TAFA4: variants seen among roughly 807,000 people sequenced by gnomAD.
TAFA4 encodes the protein chemokine-like protein TAFA-4.
A neutral mutation model predicts 21.1 loss-of-function variants in TAFA4; 20 were observed. The observed-to-expected ratio is 0.95, with a 90% CI of 0.67 to 1.38. The LOEUF is 1.38. TAFA4 is among the 40% of genes most tolerant of loss of function. The pLI, the probability that TAFA4 is intolerant of heterozygous loss-of-function variation, is 0.00. For synonymous variants in TAFA4, 71 were observed against 67.4 expected (o/e 1.05, Z -0.26); for missense variants, 211 against 180.9 (o/e 1.17, Z -0.95).
Position 68,766,799 on chromosome 3 carries a change from T to C in TAFA4, c.131-13781A>G, listed in dbSNP as rs1347331935. Among the ~76,000 whole-genome samples the C allele has an allele frequency of 3.3e-5, 5 of 152,230 alleles. No homozygotes were observed. In the South Asian group the frequency reaches 1.0e-3, roughly 32 times the overall value. ...AGACCTACACCAAGGTGTTTCCTCA[T>C]GGAATTCAAATTTTTTGGGATAACA... On this transcript the variant is annotated intron_variant, in intron 3 of 5. Coordinates refer to ENST00000295569, the MANE Select transcript of TAFA4 (RefSeq NM_182522.5).
chr3:68,897,626 CAA>C (rs893732564), intron 1 of TAFA4, among the ~76,000 whole-genome samples: 6 of 135,092 alleles, frequency 4.4e-5, no homozygotes, highest in East Asian at 5.7e-4. Flanking sequence ...AACTCCATCT[CAA>C]AAAAAAAAAA....
intron 3 of TAFA4, among the ~76,000 whole-genome samples, chr3:68,805,425 A>C (rs748690905): frequency 1.3e-5 from 2 of 152,208 alleles, no homozygotes; most frequent in African/African-American, 2.4e-5. Context: ...AACTAGAAAT[A>C]CCATTTGACC....
chr3:68,906,708 G>C (rs1185019189), intron 1 of TAFA4, among the ~76,000 whole-genome samples: 3 of 152,016 alleles, frequency 2.0e-5, no homozygotes, highest in African/African-American at 7.2e-5. Context: ...CCTGTATGTA[G>C]ACAGCACCCT....
At chr3:68,809,411 A>AAT (rs1373191751) in intron 3 of TAFA4, among the ~76,000 whole-genome samples, 16 of 152,200 alleles carry the variant, frequency 1.1e-4, no homozygotes, top group Non-Finnish European at 2.2e-4. Flanking sequence ...ACTTGTCTAG[A>AAT]AATATAATTG....
intron 3 of TAFA4, among the ~76,000 whole-genome samples, chr3:68,816,238 C>T (rs951875920): frequency 6.6e-6 from 1 of 152,082 alleles, no homozygotes; most frequent in Admixed American, 6.5e-5. Flanking sequence ...ATGGGTGCAG[C>T]ACACCAACAT....
chr3:68,776,843 TAAG>T (rs1319646088), intron 3 of TAFA4, among the ~76,000 whole-genome samples: 1 of 151,976 alleles, frequency 6.6e-6, no homozygotes, highest in African/African-American at 2.4e-5. Context: ...AAACCAATAA[TAAG>T]AAAATCAGAA....
At chr3:68,829,204 T>A (rs1704320839) in intron 3 of TAFA4, among the ~76,000 whole-genome samples, 1 of 152,070 alleles carries the variant, frequency 6.6e-6, no homozygotes, top group Non-Finnish European at 1.5e-5. Context: ...AACAGATATA[T>A]AGACCAATGG....
intron 3 of TAFA4, among the ~76,000 whole-genome samples, chr3:68,819,813 G>A (rs1488356694): frequency 6.6e-6 from 1 of 152,126 alleles, no homozygotes; most frequent in Non-Finnish European, 1.5e-5. Flanking sequence ...CAGAGAAAAG[G>A]GAACGCTTAC....
At chr3:68,895,952 G>A (rs1266828240) in intron 1 of TAFA4, among the ~76,000 whole-genome samples, 2 of 152,182 alleles carry the variant, frequency 1.3e-5, no homozygotes, top group Admixed American at 6.5e-5. Flanking sequence ...GGATGGCCTG[G>A]CCTCACTGAG....
At chr3:68,861,558 C>T (rs2089344715) in intron 3 of TAFA4, among the ~76,000 whole-genome samples, 1 of 151,966 alleles carries the variant, frequency 6.6e-6, no homozygotes, top group Admixed American at 6.6e-5. Context: ...ATAATAAAGA[C>T]CACAAAAGAT....
chr3:68,854,694 T>C (rs1030512781), intron 3 of TAFA4, among the ~76,000 whole-genome samples: 4 of 152,022 alleles, frequency 2.6e-5, no homozygotes, highest in Admixed American at 2.6e-4. Flanking sequence ...AAGCACCCTC[T>C]AATACATTCT....
chr3:68,737,735 T>C (rs1331936674), intron 5 of TAFA4, among the ~76,000 whole-genome samples: 1 of 152,194 alleles, frequency 6.6e-6, no homozygotes, highest in Non-Finnish European at 1.5e-5. Context: ...TTGACCTCCA[T>C]GGCTGAAGAT....
At chr3:68,908,697 A>G (rs976830813) in intron 1 of TAFA4, among the ~76,000 whole-genome samples, 3 of 152,350 alleles carry the variant, frequency 2.0e-5, no homozygotes, top group South Asian at 4.1e-4. Flanking sequence ...TCTTGATGGT[A>G]AATTCAAGAT....
At chr3:68,928,244 C>A (rs1313675550) in intron 1 of TAFA4, among the ~76,000 whole-genome samples, 1 of 152,118 alleles carries the variant, frequency 6.6e-6, no homozygotes, top group Non-Finnish European at 1.5e-5. Context: ...ATCTAGTAAC[C>A]AGAATGTTTC....
At position 68,762,557 on chromosome 3, in the gene TAFA4, T is replaced by TTGCAGGGTATGGTTTTTGC. The variant is rs1285335421; in HGVS notation, c.131-9558_131-9540dup. Among the ~76,000 whole-genome samples the TTGCAGGGTATGGTTTTTGC allele has an allele frequency of 1.6e-4, 24 of 152,180 alleles. 1 individual carries two copies. The highest frequency in any genetic ancestry group is 6.5e-5 in the Admixed American group (1 of 15,280). ...GTTTTTGATACAGCCGATGGTCTAT[T>TTGCAGGGTATGGTTTTTGC]TGCAGGGTATGGTTTTTGCTATGCA... On this transcript the variant is annotated intron_variant, in intron 3 of 5. Transcript: ENST00000295569.
At chr3:68,843,253 G>A (rs1301201801) in intron 3 of TAFA4, among the ~76,000 whole-genome samples, 1 of 152,122 alleles carries the variant, frequency 6.6e-6, no homozygotes, top group African/African-American at 2.4e-5. Context: ...CACATCCCTT[G>A]TAAGTTATAT....
intron 1 of TAFA4, among the ~76,000 whole-genome samples, chr3:68,931,823 G>T (rs1198383723): frequency 1.3e-5 from 2 of 152,172 alleles, no homozygotes; most frequent in African/African-American, 4.8e-5. Context: ...CTCCTAGAAA[G>T]ATCCTAGCTC....
chr3:68,850,004 T>C (rs1575640183), intron 3 of TAFA4, among the ~76,000 whole-genome samples: 2 of 152,174 alleles, frequency 1.3e-5, no homozygotes, highest in East Asian at 3.9e-4. Flanking sequence ...TATTGAGAAA[T>C]GATTACCACA....
chr3:68,929,650 G>C (rs1450581076), intron 1 of TAFA4, among the ~76,000 whole-genome samples: 1 of 152,214 alleles, frequency 6.6e-6, no homozygotes, highest in African/African-American at 2.4e-5. Flanking sequence ...AACAGAGCCA[G>C]AACACAGGGT....
Sources: gnomAD v4.1 joint callset for allele counts (sites outside exome capture counted in the v4.1 genomes callset) on GRCh38, gnomAD v4.1.1 for gene constraint, MANE v1.5 for transcripts, NCBI Gene and HGNC (gene_info 2026-07-23, HGNC 2026-07-21) for gene names.